PDE4D: variants seen among roughly 807,000 people sequenced by gnomAD.
The protein encoded by PDE4D is 3',5'-cyclic-AMP phosphodiesterase 4D.
PDE4D carries 24 observed loss-of-function variants against 87.4 expected under a neutral mutation model. The ratio of observed to expected loss-of-function variants is 0.27; its 90% CI spans 0.20 to 0.39. The LOEUF (loss-of-function observed/expected upper bound fraction) is 0.39. Ranked by LOEUF, PDE4D falls within the 10% of genes least tolerant of loss-of-function variation. The pLI, the probability that PDE4D is intolerant of heterozygous loss-of-function variation, is 1.00. For missense variants in PDE4D, 714 were observed against 1,041.0 expected (o/e 0.69, Z 4.32); for synonymous variants, 384 against 383.2 (o/e 1.00, Z -0.02).
chr5:59,889,691 T>C (rs1312506746), intron 1 of PDE4D, among the ~76,000 whole-genome samples: 1 of 152,208 alleles, frequency 6.6e-6, no homozygotes, highest in African/African-American at 2.4e-5. Flanking sequence ...AATAAAATTA[T>C]TTATCAGTTC....
At chr5:60,171,223 C>T (rs188804932) in intron 2 of PDE4D, among the ~76,000 whole-genome samples, 1 of 152,030 alleles carries the variant, frequency 6.6e-6, no homozygotes, top group African/African-American at 2.4e-5. Context: ...AGGCAATAAA[C>T]CATATGAGAG....
chr5:59,307,949 T>C (rs1771741935), intron 1 of PDE4D, among the ~76,000 whole-genome samples: 1 of 152,062 alleles, frequency 6.6e-6, no homozygotes, highest in Admixed American at 6.6e-5. Flanking sequence ...TAGCAAAGAC[T>C]TGGAACCAAT....
At chr5:59,832,369 A>G (rs1427164128) in intron 1 of PDE4D, among the ~76,000 whole-genome samples, 1 of 152,080 alleles carries the variant, frequency 6.6e-6, no homozygotes, top group Non-Finnish European at 1.5e-5. Context: ...TGTTGGGATC[A>G]TGGAGGAGAG....
intron 1 of PDE4D, among the ~76,000 whole-genome samples, chr5:60,359,271 G>A (rs1432345406): frequency 1.3e-5 from 2 of 152,156 alleles, no homozygotes; most frequent in African/African-American, 4.8e-5. Context: ...GGCCGGGCAT[G>A]GTGGCACAAG....
intron 1 of PDE4D, among the ~76,000 whole-genome samples, chr5:59,337,331 C>CCG (rs1777860370): frequency 7.6e-6 from 1 of 131,994 alleles, no homozygotes; most frequent in African/African-American, 2.7e-5. Flanking sequence ...GTTCCCCCCC[C>CCG]CCCACCTTTT....
chr5:59,231,239 A>G (rs1755117514), intron 1 of PDE4D, among the ~76,000 whole-genome samples: 1 of 152,208 alleles, frequency 6.6e-6, no homozygotes, highest in African/African-American at 2.4e-5. Context: ...TTGGGAAAGC[A>G]TAGAAGTCAA....
chr5:59,684,031 G>T (rs2150373898), intron 1 of PDE4D, among the ~76,000 whole-genome samples: 1 of 152,212 alleles, frequency 6.6e-6, no homozygotes, highest in Non-Finnish European at 1.5e-5. Context: ...CCTATGACAT[G>T]CAAGGCTCTC....
At chr5:59,868,339 C>T (rs905560953) in intron 1 of PDE4D, among the ~76,000 whole-genome samples, 1 of 152,166 alleles carries the variant, frequency 6.6e-6, no homozygotes, top group East Asian at 1.9e-4. Flanking sequence ...ATTTGTGCCA[C>T]CTAATGGAAG....
chr5:60,379,078 A>T (rs533296041), intron 1 of PDE4D, among the ~76,000 whole-genome samples: 9 of 152,140 alleles, frequency 5.9e-5, no homozygotes, highest in Admixed American at 2.6e-4. Flanking sequence ...GCCCTATTGC[A>T]TGCCTTTCTG....
In PDE4D at chr5:60,316,933, T is replaced by C. The variant is rs150308613; in HGVS notation, c.-89-131246A>G. Among the ~76,000 whole-genome samples, 1,281 of 152,286 alleles carry C rather than the reference T, an allele frequency of 8.4e-3. 10 individuals carry two copies. Among genetic ancestry groups the C allele is most frequent in the Middle Eastern group, 0.017 (5 of 294 alleles). ...TTTGCATTGATGTTCATTAGGGATA[T>C]TGGTCTAAAATTCTCTTTTTTTGTT... is the stretch of plus-strand genomic sequence containing the variant. On this transcript the variant is annotated intron_variant, in intron 1 of 16. Coordinates refer to the PDE4D transcript ENST00000502484.
chr5:60,337,092 G>A (rs151332454), intron 1 of PDE4D, among the ~76,000 whole-genome samples: 9,943 of 150,462 alleles, frequency 0.066, 366 homozygotes, highest in Non-Finnish European at 0.079. Flanking sequence ...TGCCAAGGCC[G>A]GTGGATCACC....
intron 1 of PDE4D, among the ~76,000 whole-genome samples, chr5:59,297,960 C>A (rs573312558): frequency 2.0e-5 from 3 of 151,782 alleles, no homozygotes; most frequent in Non-Finnish European, 4.4e-5. Context: ...AGACTTGAGG[C>A]CATGTAAAGA....
At chr5:60,409,241 G>C (rs906751527) in intron 1 of PDE4D, among the ~76,000 whole-genome samples, 1 of 152,188 alleles carries the variant, frequency 6.6e-6, no homozygotes. Context: ...CTGAAAATGA[G>C]AAGTCAGTTA....
In PDE4D at chr5:59,914,869, GTGTGTGTGT is replaced by G. The variant is rs1561855562; in HGVS notation, c.272+73610_272+73618del. On this transcript the variant is annotated intron_variant, in intron 3 of 16. Transcript: ENST00000502484. The stretch of plus-strand genomic sequence containing the variant: ...TTGGTTATAATTTACTGATAGGGGT[GTGTGTGTGT>G]GTGTGTGTGTGTGTGTGTGTGTGTG... 6.3e-3 allele frequency among the ~76,000 whole-genome samples: 314 copies of G among 49,648 alleles called. 2 individuals carry two copies. Among genetic ancestry groups the G allele is most frequent in the African/African-American group, 0.015 (224 of 14,680 alleles). The allele number at this position is 49,648 out of a possible 152,430, so 32.6% of individuals were successfully genotyped here.
At chr5:59,082,096 C>A (rs912210433) in intron 5 of PDE4D, among the ~76,000 whole-genome samples, 6 of 152,148 alleles carry the variant, frequency 3.9e-5, no homozygotes, top group Non-Finnish European at 7.3e-5. Context: ...TCAATTAAAC[C>A]TCTTTTCTTT....
chr5:59,756,971 T>C (rs929812203), intron 1 of PDE4D, among the ~76,000 whole-genome samples: 1 of 152,132 alleles, frequency 6.6e-6, no homozygotes, highest in African/African-American at 2.4e-5. Context: ...CTAATTTTTA[T>C]ATTTTTAGTA....
At chr5:60,232,275 G>A (rs1272540052) in intron 1 of PDE4D, among the ~76,000 whole-genome samples, 3 of 151,900 alleles carry the variant, frequency 2.0e-5, no homozygotes, top group Non-Finnish European at 2.9e-5. Flanking sequence ...GCAATACTGT[G>A]GTTATCATTA....
chr5:59,951,990 C>T (rs2152804916), intron 3 of PDE4D, among the ~76,000 whole-genome samples: 1 of 152,254 alleles, frequency 6.6e-6, no homozygotes, highest in Admixed American at 6.5e-5. Flanking sequence ...ACCCAAATCT[C>T]ATCTTAAATT....
At chr5:59,931,420 C>T (rs527781042) in intron 3 of PDE4D, among the ~76,000 whole-genome samples, 9 of 152,144 alleles carry the variant, frequency 5.9e-5, no homozygotes, top group Non-Finnish European at 1.2e-4. Flanking sequence ...CTTACAGTTA[C>T]GGAGGCTAAG....
Sources: allele counts gnomAD v4.1 joint callset (sites outside exome capture counted in the v4.1 genomes callset), GRCh38; gene constraint gnomAD v4.1.1; transcripts MANE v1.5; gene names NCBI Gene and HGNC (gene_info 2026-07-23, HGNC 2026-07-21).